ZNF385D: variants seen among roughly 807,000 people sequenced by gnomAD.
ZNF385D encodes zinc finger protein 659.
In ZNF385D, 15 loss-of-function variants were observed where a neutral mutation model predicts 35.8. The observed-to-expected ratio is 0.42, with a 90% confidence interval of 0.28 to 0.64. The LOEUF is 0.64. Among genes scored for constraint, ZNF385D ranks in the 30% least tolerant of loss-of-function variants. The probability of loss-of-function intolerance (pLI) is 0.23; values close to 1 mark genes in which losing one functional copy is unlikely to be tolerated. For synonymous variants in ZNF385D, 212 were observed against 186.8 expected (o/e 1.13, Z -1.10); for missense variants, 474 against 494.6 (o/e 0.96, Z 0.39).
At chr3:22,232,549 C>G (rs1271928435) in intron 2 of ZNF385D, among the ~76,000 whole-genome samples, 1 of 152,138 alleles carries the variant, frequency 6.6e-6, no homozygotes, top group African/African-American at 2.4e-5. Context: ...AGCTCCCCAT[C>G]CCTGACAGGC....
intron 3 of ZNF385D, among the ~76,000 whole-genome samples, chr3:22,080,170 A>G (rs1221907463): frequency 2.0e-5 from 3 of 152,146 alleles, no homozygotes; most frequent in Non-Finnish European, 2.9e-5. Context: ...GTCTTTAATA[A>G]TATGGGTCCT....
At chr3:22,035,666 C>G (rs951099786) in intron 3 of ZNF385D, among the ~76,000 whole-genome samples, 25 of 152,170 alleles carry the variant, frequency 1.6e-4, no homozygotes, top group African/African-American at 6.0e-4. Context: ...TCTCTGAAAC[C>G]CCCACCTAAT....
intron 3 of ZNF385D, among the ~76,000 whole-genome samples, chr3:21,860,615 G>A (rs978252401): frequency 6.6e-6 from 1 of 152,140 alleles, no homozygotes; most frequent in Admixed American, 6.6e-5. Context: ...CAAGCATCCT[G>A]ACTGCATTAG....
At chr3:22,161,556 A>T (rs969839427) in intron 3 of ZNF385D, among the ~76,000 whole-genome samples, 1 of 152,104 alleles carries the variant, frequency 6.6e-6, no homozygotes. Flanking sequence ...TGGAATATGG[A>T]AAAGTCAACA....
At chr3:22,199,459 A>G (rs940056466) in intron 2 of ZNF385D, among the ~76,000 whole-genome samples, 23 of 152,138 alleles carry the variant, frequency 1.5e-4, no homozygotes, top group African/African-American at 5.3e-4. Flanking sequence ...ATGTTAGGCC[A>G]TGGTAATATT....
chr3:21,917,426 C>T (rs1245668086), intron 3 of ZNF385D, among the ~76,000 whole-genome samples: 2 of 136,262 alleles, frequency 1.5e-5, no homozygotes, highest in Non-Finnish European at 3.1e-5. Flanking sequence ...AGTGATACTC[C>T]GTCTCCAAAA....
intron 3 of ZNF385D, among the ~76,000 whole-genome samples, chr3:21,935,152 A>G (rs2125257257): frequency 6.6e-6 from 1 of 152,288 alleles, no homozygotes; most frequent in Middle Eastern, 3.4e-3. Context: ...AGTTGTATAG[A>G]AAGAGAGGCT....
At chr3:21,634,820 T>C (rs2065381171) in intron 2 of ZNF385D, among the ~76,000 whole-genome samples, 1 of 149,304 alleles carries the variant, frequency 6.7e-6, no homozygotes, top group African/African-American at 2.4e-5. Context: ...GGCTTACTCT[T>C]TTTTTTTTTG....
At chr3:21,880,136 GA>G (rs1698201657) in intron 3 of ZNF385D, among the ~76,000 whole-genome samples, 2 of 151,856 alleles carry the variant, frequency 1.3e-5, no homozygotes, top group Admixed American at 1.3e-4. Context: ...AAAGGTTCCA[GA>G]AGCATAAAAT....
chr3:22,322,529 C>T (rs552512391), intron 2 of ZNF385D, among the ~76,000 whole-genome samples: 225 of 152,220 alleles, frequency 1.5e-3, no homozygotes, highest in African/African-American at 4.8e-3. Context: ...AGAATTTTAC[C>T]AGTCTATCCC....
chr3:21,673,667 C>T (rs1430147958), intron 1 of ZNF385D, among the ~76,000 whole-genome samples: 2 of 152,020 alleles, frequency 1.3e-5, no homozygotes, highest in Non-Finnish European at 2.9e-5. Flanking sequence ...GATGATCATA[C>T]TCAAAGAACA....
intron 3 of ZNF385D, among the ~76,000 whole-genome samples, chr3:22,023,447 A>G (rs902312396): frequency 6.6e-6 from 1 of 152,164 alleles, no homozygotes; most frequent in Non-Finnish European, 1.5e-5. Context: ...AAAGGATCAC[A>G]CTGAGAAACT....
At chr3:21,888,884 G>A (rs1366779929) in intron 3 of ZNF385D, among the ~76,000 whole-genome samples, 1 of 152,234 alleles carries the variant, frequency 6.6e-6, no homozygotes, top group East Asian at 1.9e-4. Context: ...ACCTGCTACA[G>A]CCAGTGACTT....
At chr3:21,555,662 C>T (rs961333211) in intron 3 of ZNF385D, among the ~76,000 whole-genome samples, 24 of 152,036 alleles carry the variant, frequency 1.6e-4, no homozygotes, top group African/African-American at 2.4e-4. Context: ...TGAATAGTGC[C>T]GCAGTAAACA....
intron 2 of ZNF385D, among the ~76,000 whole-genome samples, chr3:22,213,831 C>T (rs1697680390): frequency 6.6e-6 from 1 of 152,154 alleles, no homozygotes; most frequent in African/African-American, 2.4e-5. Context: ...TAATTAAAAT[C>T]CTAAGTCCCA....
intron 3 of ZNF385D, among the ~76,000 whole-genome samples, chr3:21,837,076 T>C (rs768304707): frequency 1.3e-5 from 2 of 152,132 alleles, no homozygotes; most frequent in Non-Finnish European, 2.9e-5. Context: ...CTTTAAAGTA[T>C]AAATTTTTTC....
chr3:21,518,700 C>T (rs1707730082), intron 3 of ZNF385D, among the ~76,000 whole-genome samples: 1 of 152,094 alleles, frequency 6.6e-6, no homozygotes, highest in African/African-American at 2.4e-5. Flanking sequence ...AGCCAACAGG[C>T]AAACAGAAAT....
chr3:22,200,717 G>A (rs149748299), intron 2 of ZNF385D, among the ~76,000 whole-genome samples: 4,126 of 152,102 alleles, frequency 0.027, 128 homozygotes, highest in Non-Finnish European at 0.032. Context: ...CAGTCTACAG[G>A]CCATAAAAGA....
chr3:21,797,779 T>C (rs920841309), intron 3 of ZNF385D, among the ~76,000 whole-genome samples: 2 of 151,948 alleles, frequency 1.3e-5, no homozygotes, highest in East Asian at 3.9e-4. Flanking sequence ...ATTTCAACTA[T>C]ATGACAAAAT....
Sources: gnomAD v4.1 joint callset for allele counts (sites outside exome capture counted in the v4.1 genomes callset) on GRCh38, gnomAD v4.1.1 for gene constraint, MANE v1.5 for transcripts, NCBI Gene and HGNC (gene_info 2026-07-23, HGNC 2026-07-21) for gene names.